The following PRKCB variants were observed in gnomAD, a reference collection of about 807,000 sequenced individuals.
PRKCB encodes the protein protein kinase C beta.
A neutral mutation model predicts 81.5 loss-of-function variants in PRKCB; 13 were observed. That is an observed-to-expected ratio of 0.16 (90% CI 0.10 to 0.25). The LOEUF (loss-of-function observed/expected upper bound fraction) is 0.25. PRKCB is among the 10% of genes least tolerant of loss of function. PRKCB has a pLI of 1.00. For missense variants in PRKCB, 509 were observed against 875.7 expected (o/e 0.58, Z 5.29); for synonymous variants, 335 against 321.4 (o/e 1.04, Z -0.45).
At chr16:24,212,204 C>T (rs1968148896) in intron 16 of PRKCB, among the ~76,000 whole-genome samples, 1 of 152,120 alleles carries the variant, frequency 6.6e-6, no homozygotes, top group Non-Finnish European at 1.5e-5. Context: ...TCCTGGTTCT[C>T]CTCCTGCTGT....
chr16:24,105,754 A>C lies in PRKCB; in HGVS notation c.822-7219A>C, dbSNP rs143941540. 8.7e-3 allele frequency among the ~76,000 whole-genome samples: 1,316 copies of C among 152,122 alleles called. 16 individuals carry two copies. The highest frequency in any genetic ancestry group is 0.03 in the African/African-American group (1,260 of 41,498). ...GTATTCCATGGTGTATATATGCCACATTTTCTTTATCCAGTCTATCATTGA... is the reference window on the plus strand; with the variant it reads ...GTATTCCATGGTGTATATATGCCACCTTTTCTTTATCCAGTCTATCATTGA... On this transcript the variant is annotated intron_variant, in intron 7 of 16. Transcript: ENST00000643927.
intron 16 of PRKCB, among the ~76,000 whole-genome samples, chr16:24,211,473 A>C (rs568179034): frequency 6.8e-4 from 103 of 152,264 alleles, no homozygotes; most frequent in Admixed American, 2.4e-3. Flanking sequence ...CAAAAGAGGA[A>C]ACTGAAACTT....
chr16:23,876,894 C>T (rs1000003251), intron 2 of PRKCB, among the ~76,000 whole-genome samples: 3 of 152,038 alleles, frequency 2.0e-5, no homozygotes, highest in Non-Finnish European at 4.4e-5. Context: ...GGAAACATAT[C>T]CTTTGAAAAT....
intron 9 of PRKCB, among the ~76,000 whole-genome samples, chr16:24,143,450 A>G (rs1966936227): frequency 6.6e-6 from 1 of 152,070 alleles, no homozygotes; most frequent in African/African-American, 2.4e-5. Context: ...ATCTTAAGAC[A>G]GAGGGAGGGT....
At chr16:24,198,077 G>A (rs988848939) in intron 16 of PRKCB, among the ~76,000 whole-genome samples, 3 of 152,182 alleles carry the variant, frequency 2.0e-5, no homozygotes, top group African/African-American at 7.2e-5. Flanking sequence ...CTGTACCCAG[G>A]GAGTTGCTTT....
intron 2 of PRKCB, among the ~76,000 whole-genome samples, chr16:23,866,263 A>T (rs1962788658): frequency 6.6e-6 from 1 of 152,146 alleles, no homozygotes; most frequent in South Asian, 2.1e-4. Context: ...GGTAATCATT[A>T]TGGCCATGTT....
At chr16:24,211,831 A>G (rs1968143231) in intron 16 of PRKCB, among the ~76,000 whole-genome samples, 2 of 152,148 alleles carry the variant, frequency 1.3e-5, no homozygotes, top group Non-Finnish European at 2.9e-5. Flanking sequence ...AAGTTCAGGG[A>G]TTACAGGCAT....
intron 7 of PRKCB, among the ~76,000 whole-genome samples, chr16:24,096,522 G>A (rs1966440953): frequency 1.3e-5 from 2 of 151,534 alleles, no homozygotes; most frequent in South Asian, 4.2e-4. Flanking sequence ...TGGTGTCTGA[G>A]AAGCTACCGC....
intron 2 of PRKCB, among the ~76,000 whole-genome samples, chr16:23,947,348 A>G (rs921112530): frequency 2.0e-5 from 3 of 152,188 alleles, no homozygotes; most frequent in Admixed American, 1.3e-4. Context: ...GCTCAGTGCA[A>G]TATTAGTTTG....
At chr16:24,100,666 A>G (rs1360437809) in intron 7 of PRKCB, among the ~76,000 whole-genome samples, 1 of 152,186 alleles carries the variant, frequency 6.6e-6, no homozygotes, top group African/African-American at 2.4e-5. Context: ...CCAAGCCCCA[A>G]AGGGAGGGGC....
chr16:23,905,703 C>T (rs1963548716), intron 2 of PRKCB, among the ~76,000 whole-genome samples: 1 of 152,186 alleles, frequency 6.6e-6, no homozygotes, highest in Non-Finnish European at 1.5e-5. Flanking sequence ...AGACTTACTC[C>T]TGGTAGAATT....
intron 2 of PRKCB, among the ~76,000 whole-genome samples, chr16:23,894,795 G>T (rs1012542050): frequency 6.6e-6 from 1 of 152,106 alleles, no homozygotes; most frequent in African/African-American, 2.4e-5. Context: ...ACATTATGTT[G>T]TTGGGTTACA....
In PRKCB at chr16:24,167,328, G is replaced by T. The variant is rs570051571; in HGVS notation, c.1240-4942G>T. 3.3e-5 allele frequency among the ~76,000 whole-genome samples: 5 copies of T among 152,114 alleles called. 1 individual carries two copies. The South Asian group carries it at 1.0e-3, about 32-fold the overall frequency. On this transcript the variant is annotated intron_variant, in intron 10 of 16. Transcript: ENST00000643927. Reference sequence around the variant, plus strand: ...ATGTTGAGAGGGTGAAGCAGTATTGGTCTGAGAAATAAAAACCATTTTCTA... The same window carrying T: ...ATGTTGAGAGGGTGAAGCAGTATTGTTCTGAGAAATAAAAACCATTTTCTA...
intron 5 of PRKCB, among the ~76,000 whole-genome samples, chr16:24,077,475 A>G (rs780224153): frequency 6.8e-6 from 1 of 147,420 alleles, no homozygotes; most frequent in Non-Finnish European, 1.5e-5. Context: ...CCATCCACAC[A>G]TGCATTCATC....
At chr16:24,088,864 C>T (rs188501975) in intron 5 of PRKCB, among the ~76,000 whole-genome samples, 228 of 152,252 alleles carry the variant, frequency 1.5e-3, no homozygotes, top group African/African-American at 5.3e-3. Context: ...CCAGTGACTA[C>T]CCTTGTGGTG....
chr16:24,201,557 A>G (rs1325266136), intron 16 of PRKCB, among the ~76,000 whole-genome samples: 2 of 152,172 alleles, frequency 1.3e-5, no homozygotes, highest in African/African-American at 2.4e-5. Flanking sequence ...TCATATGCCC[A>G]TCTCTAAGGG....
At chr16:23,964,430 G>A (rs1218141385) in intron 2 of PRKCB, among the ~76,000 whole-genome samples, 1 of 152,186 alleles carries the variant, frequency 6.6e-6, no homozygotes, top group African/African-American at 2.4e-5. Flanking sequence ...CATGTGGCCT[G>A]CAAAACCTAA....
intron 8 of PRKCB, among the ~76,000 whole-genome samples, chr16:24,122,449 C>CTA (rs763021132): frequency 3.1e-5 from 3 of 97,640 alleles, no homozygotes; most frequent in African/African-American, 1.6e-4. Flanking sequence ...TACCACGAGG[C>CTA]TTTTTTTTTT....
chr16:23,942,750 T>C (rs1596481709), intron 2 of PRKCB, among the ~76,000 whole-genome samples: 1 of 152,206 alleles, frequency 6.6e-6, no homozygotes, highest in Non-Finnish European at 1.5e-5. Context: ...CTTCTTATGC[T>C]TGACTAGCTC....
Sources: gnomAD v4.1 joint callset for allele counts (sites outside exome capture counted in the v4.1 genomes callset) on GRCh38, gnomAD v4.1.1 for gene constraint, MANE v1.5 for transcripts, NCBI Gene and HGNC (gene_info 2026-07-23, HGNC 2026-07-21) for gene names.